Variants in ARHGEF4 observed in about 807,000 individuals in gnomAD.
The protein encoded by ARHGEF4 is APC-stimulated guanine nucleotide exchange factor 1.
Under a neutral mutation model 162.0 loss-of-function variants are expected in ARHGEF4, and 119 were observed. The observed-to-expected ratio is 0.73, with a 90% confidence interval of 0.63 to 0.86. ARHGEF4 has a LOEUF of 0.86. Ranked by LOEUF, ARHGEF4 falls within the 40% of genes least tolerant of loss-of-function variation. ARHGEF4 has a pLI of 0.00. For missense variants in ARHGEF4, 2,488 were observed against 2,456.0 expected (o/e 1.01, Z -0.28); for synonymous variants, 1,014 against 979.9 (o/e 1.03, Z -0.65).
intron 4 of ARHGEF4, among the ~76,000 whole-genome samples, chr2:130,973,218 G>A (rs994998964): frequency 6.6e-6 from 1 of 152,264 alleles, no homozygotes; most frequent in Non-Finnish European, 1.5e-5. Context: ...GCCGAATGAG[G>A]TGGCTCATGC....
chr2:130,875,657 C>T (rs1056485105), intron 1 of ARHGEF4, among the ~76,000 whole-genome samples: 3 of 152,204 alleles, frequency 2.0e-5, no homozygotes, highest in African/African-American at 7.2e-5. Context: ...ATCAAATCAC[C>T]TCTTAGATTT....
intron 1 of ARHGEF4, among the ~76,000 whole-genome samples, chr2:130,901,094 TGG>T (rs1261494392): frequency 6.6e-6 from 1 of 152,068 alleles, no homozygotes; most frequent in African/African-American, 2.4e-5. Flanking sequence ...CCACTGCCAC[TGG>T]GGGAGAGAAG....
chr2:130,920,184 C>T (rs1398746115), intron 2 of ARHGEF4, among the ~76,000 whole-genome samples: 1 of 152,186 alleles, frequency 6.6e-6, no homozygotes, highest in Non-Finnish European at 1.5e-5. Context: ...TCACGGTTCA[C>T]TGCAGCCTGG....
chr2:130,847,201 C>T (rs1681043934), intron 1 of ARHGEF4, among the ~76,000 whole-genome samples: 1 of 152,238 alleles, frequency 6.6e-6, no homozygotes, highest in African/African-American at 2.4e-5. Context: ...CCCTTCCCCT[C>T]CCAGGAATCT....
intron 5 of ARHGEF4, among the ~76,000 whole-genome samples, chr2:131,031,908 G>C (rs1280622283): frequency 6.6e-6 from 1 of 152,210 alleles, no homozygotes; most frequent in Non-Finnish European, 1.5e-5. Flanking sequence ...CTGTCAGTGA[G>C]AGTGACCACC....
chr2:131,034,436 A>G (rs1690082217), intron 5 of ARHGEF4, among the ~76,000 whole-genome samples: 1 of 152,120 alleles, frequency 6.6e-6, no homozygotes, highest in South Asian at 2.1e-4. Flanking sequence ...GGCTTTTCCA[A>G]AGGAACACAA....
chr2:130,957,246 T>C (rs1247914289), intron 4 of ARHGEF4, among the ~76,000 whole-genome samples: 1 of 149,252 alleles, frequency 6.7e-6, no homozygotes, highest in Non-Finnish European at 1.5e-5. Flanking sequence ...TCCCAACTCA[T>C]TCTTTTTTTT....
chr2:130,901,607 G>C (rs994859936), intron 1 of ARHGEF4, among the ~76,000 whole-genome samples: 1 of 151,386 alleles, frequency 6.6e-6, no homozygotes, highest in Non-Finnish European at 1.5e-5. Flanking sequence ...TGCAACCTCT[G>C]CCTCCCGGGT....
intron 1 of ARHGEF4, among the ~76,000 whole-genome samples, chr2:130,850,035 G>A (rs938988280): frequency 6.6e-6 from 1 of 152,186 alleles, no homozygotes; most frequent in African/African-American, 2.4e-5. Flanking sequence ...TGTGGTCTGG[G>A]GCCAGTGTGT....
chr2:131,002,334 T>C (rs1468341956), intron 4 of ARHGEF4, among the ~76,000 whole-genome samples: 2 of 152,232 alleles, frequency 1.3e-5, no homozygotes, highest in East Asian at 3.9e-4. Flanking sequence ...TCCCAGCACT[T>C]TGGGAGGCCG....
chr2:130,915,614 C>T lies in ARHGEF4; in HGVS notation c.1668C>T (p.Thr556=). The T allele has an allele frequency of 6.4e-7, 1 of 1,550,518 alleles. No individual in the cohort carries two copies. The highest frequency in any genetic ancestry group is 2.4e-5 in the East Asian group (1 of 40,904). Residue 556 remains threonine, a synonymous_variant, in exon 2 of 14, where the codon ACC becomes ACT. Coordinates refer to ENST00000409359, the MANE Select transcript of ARHGEF4 (RefSeq NM_001367493.1). ...ACAGTTCAGATGCCCCTGAGACCAC[C>T]CAGAAATCAAGCGCAATAGACACTT... ...VSDSSDAPET[T]QKSSAIDTSK...
chr2:130,884,529 C>G (rs1679390552), intron 1 of ARHGEF4, among the ~76,000 whole-genome samples: 2 of 152,068 alleles, frequency 1.3e-5, no homozygotes, highest in South Asian at 4.1e-4. Flanking sequence ...ACAGTGGTAG[C>G]TGGCATTATT....
At chr2:130,873,126 C>T (rs1678597338) in intron 1 of ARHGEF4, among the ~76,000 whole-genome samples, 1 of 152,210 alleles carries the variant, frequency 6.6e-6, no homozygotes, top group South Asian at 2.1e-4. Context: ...CGGATTCAAA[C>T]CCTCCACTCC....
At chr2:131,011,394 T>C (rs1688439300) in intron 4 of ARHGEF4, among the ~76,000 whole-genome samples, 1 of 152,194 alleles carries the variant, frequency 6.6e-6, no homozygotes, top group South Asian at 2.1e-4. Context: ...ATTTGTTTTA[T>C]CTGTCTTAAA....
intron 1 of ARHGEF4, among the ~76,000 whole-genome samples, chr2:130,902,290 T>A (rs904349378): frequency 3.4e-5 from 5 of 145,484 alleles, no homozygotes; most frequent in African/African-American, 1.2e-4. Flanking sequence ...GAACTGCGGG[T>A]TCTCTGGTTC....
chr2:131,003,555 G>A (rs1009666344), intron 4 of ARHGEF4, among the ~76,000 whole-genome samples: 1 of 152,190 alleles, frequency 6.6e-6, no homozygotes, highest in Non-Finnish European at 1.5e-5. Context: ...TGGACAGGTG[G>A]GTGAAAATCT....
At chr2:131,043,147 T>C (rs776963427) in intron 10 of ARHGEF4, among the ~76,000 whole-genome samples, 1 of 152,256 alleles carries the variant, frequency 6.6e-6, no homozygotes, top group Non-Finnish European at 1.5e-5. Flanking sequence ...CATTATTTCA[T>C]ATGAAGTCTT....
chr2:130,889,336 A>G (rs1041045470), intron 1 of ARHGEF4, among the ~76,000 whole-genome samples: 1 of 152,002 alleles, frequency 6.6e-6, no homozygotes, highest in Non-Finnish European at 1.5e-5. Context: ...AAATGGTCCT[A>G]GATGTTAATT....
intron 4 of ARHGEF4, among the ~76,000 whole-genome samples, chr2:131,019,794 C>T (rs772412480): frequency 2.0e-5 from 3 of 152,058 alleles, no homozygotes; most frequent in Admixed American, 6.6e-5. Flanking sequence ...CCACCACGGC[C>T]GGCTAATTTT....
Sources: gnomAD v4.1 joint callset for allele counts (sites outside exome capture counted in the v4.1 genomes callset) on GRCh38, gnomAD v4.1.1 for gene constraint, MANE v1.5 for transcripts, NCBI Gene and HGNC (gene_info 2026-07-23, HGNC 2026-07-21) for gene names.